DISC1: variants seen among roughly 807,000 people sequenced by gnomAD.
DISC1 encodes disrupted in schizophrenia 1 protein.
A neutral mutation model predicts 84.5 loss-of-function variants in DISC1; 57 were observed. The ratio of observed to expected loss-of-function variants is 0.67; its 90% CI spans 0.55 to 0.84. The LOEUF is 0.84. Ranked by LOEUF, DISC1 falls within the 40% of genes least tolerant of loss-of-function variation. DISC1 has a pLI of 0.00. For synonymous variants in DISC1, 411 were observed against 415.2 expected (o/e 0.99, Z 0.12); for missense variants, 1,000 against 1,057.8 (o/e 0.95, Z 0.76).
At chr1:231,998,339 A>G (rs948350136) in intron 10 of DISC1, among the ~76,000 whole-genome samples, 1 of 152,206 alleles carries the variant, frequency 6.6e-6, no homozygotes, top group East Asian at 1.9e-4. Context: ...GGAAGGAAAC[A>G]TATGAGAGAA....
At chr1:231,649,964 G>A (rs1413055289) in intron 1 of DISC1, among the ~76,000 whole-genome samples, 3 of 152,118 alleles carry the variant, frequency 2.0e-5, no homozygotes, top group South Asian at 2.1e-4. Context: ...GTCTCTGCAC[G>A]TGAGATTGGT....
chr1:231,777,246 G>C (rs1046850674), intron 6 of DISC1, among the ~76,000 whole-genome samples: 1 of 152,030 alleles, frequency 6.6e-6, no homozygotes, highest in African/African-American at 2.4e-5. Context: ...TTTAGAGATG[G>C]GGTTTCCCTC....
At chr1:231,835,922 A>G (rs1337786974) in intron 9 of DISC1, among the ~76,000 whole-genome samples, 2 of 152,230 alleles carry the variant, frequency 1.3e-5, no homozygotes, top group Non-Finnish European at 2.9e-5. Flanking sequence ...GATCTTTCTG[A>G]GTAAAAACAT....
In DISC1 at chr1:232,009,325, G is replaced by C. The variant is rs1667816791; in HGVS notation, c.2307+276G>C. 4 of 1,187,700 alleles carry C rather than the reference G, an allele frequency of 3.4e-6. No individual in the cohort carries two copies. The highest frequency in any genetic ancestry group is 4.2e-6 in the Non-Finnish European group (4 of 943,992). 73.6% of individuals were successfully genotyped at this position (1,187,700 alleles called of 1,614,324 possible). On this transcript the variant is annotated intron_variant, in intron 11 of 12. Coordinates refer to ENST00000439617, the MANE Select transcript of DISC1 (RefSeq NM_018662.3). The surrounding 1 kb of genome is among the most constrained non-coding windows in gnomAD (Gnocchi z 4.6). ...GAATTAGAATATGCAGTCTAATATAGAATTACCATATATAGCATACATTAT... is the reference window on the plus strand; with the variant it reads ...GAATTAGAATATGCAGTCTAATATACAATTACCATATATAGCATACATTAT...
intron 9 of DISC1, among the ~76,000 whole-genome samples, chr1:231,879,683 G>C (rs1318017412): frequency 6.6e-6 from 1 of 151,952 alleles, no homozygotes; most frequent in African/African-American, 2.4e-5. Flanking sequence ...TGGGGGGCAT[G>C]GTGGGCAGGA....
chr1:231,754,347 C>G (rs1392482622), intron 4 of DISC1, among the ~76,000 whole-genome samples: 2 of 152,178 alleles, frequency 1.3e-5, no homozygotes, highest in Non-Finnish European at 2.9e-5. Flanking sequence ...GGCATCTGCT[C>G]TGGCTTCTGG....
At chr1:231,860,872 C>T (rs1440666234) in intron 9 of DISC1, among the ~76,000 whole-genome samples, 1 of 152,206 alleles carries the variant, frequency 6.6e-6, no homozygotes, top group East Asian at 1.9e-4. Flanking sequence ...GTTTCATCCT[C>T]TTGCAATACA....
chr1:231,787,059 A>G (rs746431920), intron 6 of DISC1, among the ~76,000 whole-genome samples: 4 of 152,146 alleles, frequency 2.6e-5, no homozygotes, highest in Non-Finnish European at 4.4e-5. Context: ...TAAAGCAAGT[A>G]TTGGAAGTAT....
chr1:231,705,773 G>GT (rs202084406), intron 3 of DISC1, among the ~76,000 whole-genome samples: 2 of 151,976 alleles, frequency 1.3e-5, no homozygotes, highest in African/African-American at 2.4e-5. Flanking sequence ...GAATTGTTGA[G>GT]TTTTTTTTCA....
At chr1:231,668,558 G>C (rs1240350310) in intron 1 of DISC1, among the ~76,000 whole-genome samples, 1 of 152,114 alleles carries the variant, frequency 6.6e-6, no homozygotes, top group Non-Finnish European at 1.5e-5. Flanking sequence ...CTCCTGCTAA[G>C]GTGAAAGTCT....
Position 231,923,297 on chromosome 1 carries a change from C to CA in DISC1, c.1982-35523dup, listed in dbSNP as rs1198918952. Among the ~76,000 whole-genome samples the CA allele has an allele frequency of 6.2e-3, 686 of 111,018 alleles. 1 individual carries two copies. The highest frequency in any genetic ancestry group is 0.019 in the Middle Eastern group (4 of 212). The allele number at this position is 111,018 out of a possible 152,430, so 72.8% of individuals were successfully genotyped here. Reference sequence around the variant, plus strand: ...GCAAGACTCTGTCTCAAAAACAAAACAAAAAAAACCAAAAAAAAAAACAAA... The same window carrying CA: ...GCAAGACTCTGTCTCAAAAACAAAACAAAAAAAAACCAAAAAAAAAAACAAA... On this transcript the variant is annotated intron_variant, in intron 9 of 12. Coordinates refer to ENST00000439617, the MANE Select transcript of DISC1 (RefSeq NM_018662.3).
intron 3 of DISC1, among the ~76,000 whole-genome samples, chr1:231,732,290 G>A (rs1180287706): frequency 2.6e-5 from 4 of 152,130 alleles, no homozygotes; most frequent in African/African-American, 9.7e-5. Flanking sequence ...TTACAACCTT[G>A]TGTCCAGTGT....
At chr1:231,670,339 CTTAAAAG>C (rs1388631648) in intron 1 of DISC1, among the ~76,000 whole-genome samples, 1 of 152,162 alleles carries the variant, frequency 6.6e-6, no homozygotes, top group East Asian at 1.9e-4. Flanking sequence ...TGCCCCTGAA[CTTAAAAG>C]TTAAAAAAAC....
intron 3 of DISC1, among the ~76,000 whole-genome samples, chr1:231,719,784 C>A (rs1471864088): frequency 2.0e-5 from 3 of 152,020 alleles, no homozygotes; most frequent in Non-Finnish European, 1.5e-5. Context: ...TCTTAGATAA[C>A]CTTAGCGCAC....
At chr1:231,839,846 G>T (rs537972606) in intron 9 of DISC1, among the ~76,000 whole-genome samples, 1 of 152,244 alleles carries the variant, frequency 6.6e-6, no homozygotes, top group Admixed American at 6.5e-5. Context: ...AAGAGGCGAG[G>T]TGGAGGTGCC....
intron 8 of DISC1, among the ~76,000 whole-genome samples, chr1:231,803,817 G>A (rs1193917992): frequency 6.6e-6 from 1 of 151,904 alleles, no homozygotes; most frequent in African/African-American, 2.4e-5. Flanking sequence ...GCGTCATGGC[G>A]GGCGCCTGTA....
chr1:231,696,259 G>A (rs903424953), intron 2 of DISC1, among the ~76,000 whole-genome samples: 26 of 152,078 alleles, frequency 1.7e-4, no homozygotes, highest in Non-Finnish European at 8.8e-5. Flanking sequence ...TTTGCAAGAG[G>A]GTCTACCTTC....
At chr1:231,959,448 A>G (rs1303489368) in intron 10 of DISC1, 1 of 985,574 alleles carries the variant, frequency 1.0e-6, no homozygotes, top group Admixed American at 6.1e-5. Flanking sequence ...AATAAATCCC[A>G]GTCATCAGAA....
At position 231,802,334 on chromosome 1, in the gene DISC1, A is replaced by G. The variant is rs144441520; in HGVS notation, c.1792+2124A>G. 3.9e-5 allele frequency among the ~76,000 whole-genome samples: 6 copies of G among 152,220 alleles called. No individual in the cohort carries two copies. In the East Asian group the frequency reaches 1.2e-3, roughly 29 times the overall value. On this transcript the variant is annotated intron_variant, in intron 8 of 12. Coordinates refer to ENST00000439617, the MANE Select transcript of DISC1 (RefSeq NM_018662.3). ...TCTGATGGTTTAACAAGTGTTTGGTAGTTCTTCCTGCATTCATTCTTCTTG... is the reference window on the plus strand; with the variant it reads ...TCTGATGGTTTAACAAGTGTTTGGTGGTTCTTCCTGCATTCATTCTTCTTG...
Sources: gnomAD v4.1 joint callset for allele counts (sites outside exome capture counted in the v4.1 genomes callset) on GRCh38, gnomAD v4.1.1 for gene constraint, Gnocchi (gnomAD v3.1) non-coding constraint, MANE v1.5 for transcripts, NCBI Gene and HGNC (gene_info 2026-07-23, HGNC 2026-07-21) for gene names.